HDAC9: variants seen among roughly 807,000 people sequenced by gnomAD.
HDAC9 encodes MEF-2 interacting transcription repressor (MITR) protein.
Under a neutral mutation model 139.4 loss-of-function variants are expected in HDAC9, and 41 were observed. The observed-to-expected ratio is 0.29, with a 90% CI of 0.23 to 0.38. HDAC9 has a LOEUF of 0.38. HDAC9 is among the 10% of genes least tolerant of loss of function. HDAC9 has a pLI of 1.00. For synonymous variants in HDAC9, 517 were observed against 476.2 expected (o/e 1.09, Z -1.12); for missense variants, 1,147 against 1,297.0 (o/e 0.88, Z 1.78).
chr7:18,157,097 A>G (rs1383603350), intron 1 of HDAC9, among the ~76,000 whole-genome samples: 2 of 152,188 alleles, frequency 1.3e-5, no homozygotes, highest in African/African-American at 2.4e-5. Flanking sequence ...AAAAACCCCA[A>G]GAATTCAAGG....
intron 1 of HDAC9, among the ~76,000 whole-genome samples, chr7:18,119,466 C>T (rs942544202): frequency 6.6e-6 from 1 of 152,166 alleles, no homozygotes; most frequent in Non-Finnish European, 1.5e-5. Context: ...CCGAAGCTAC[C>T]AGTTTCTTAC....
chr7:18,803,269 T>C (rs1793449140), intron 17 of HDAC9, among the ~76,000 whole-genome samples: 1 of 152,086 alleles, frequency 6.6e-6, no homozygotes, highest in African/African-American at 2.4e-5. Flanking sequence ...TTTAAAGCAA[T>C]AGTCATGTCC....
chr7:18,494,423 G>A (rs942116959), upstream of HDAC9, among the ~76,000 whole-genome samples: 4 of 152,048 alleles, frequency 2.6e-5, no homozygotes, highest in Admixed American at 6.6e-5. Context: ...GAAATAATCT[G>A]CTTTTTCCTC....
intron 11 of HDAC9, among the ~76,000 whole-genome samples, chr7:18,657,722 AC>A (rs1791674622): frequency 1.3e-5 from 2 of 152,108 alleles, no homozygotes; most frequent in African/African-American, 4.8e-5. Context: ...TCCTCTTTCT[AC>A]TTTTGCTCCC....
chr7:18,292,957 GT>G (rs1164652186), intron 1 of HDAC9, among the ~76,000 whole-genome samples: 3 of 151,674 alleles, frequency 2.0e-5, no homozygotes, highest in Admixed American at 6.6e-5. Context: ...CAACTTTGGA[GT>G]TTTTTTTCCC....
chr7:18,994,766 A>T (rs1015674526), intron 25 of HDAC9, among the ~76,000 whole-genome samples: 9 of 152,174 alleles, frequency 5.9e-5, no homozygotes, highest in African/African-American at 2.2e-4. Context: ...TTTCTTATAA[A>T]TCTGTAAAAT....
At chr7:18,828,383 G>T (rs958049189) in intron 17 of HDAC9, among the ~76,000 whole-genome samples, 2 of 152,194 alleles carry the variant, frequency 1.3e-5, no homozygotes, top group Non-Finnish European at 2.9e-5. Flanking sequence ...GCTTTGCAAG[G>T]ATTTATAGTT....
rs1797337144 is a variant in HDAC9 at position 18,852,040 on chromosome 7, A to AG, written c.2684+16047dup. On this transcript the variant is annotated intron_variant, in intron 21 of 25. Transcript: ENST00000686413. ...GACAGTCCTTCTAACAAGGCTGCTG[A>AG]GGGGTGCAGAAATGGTACACCTCTG... Among the ~76,000 whole-genome samples, 3 of 152,304 alleles carry AG rather than the reference A, an allele frequency of 2.0e-5. No homozygotes were observed. The East Asian group carries it at 5.8e-4, about 29-fold the overall frequency.
chr7:18,466,579 T>C (rs990558180), intron 1 of HDAC9, among the ~76,000 whole-genome samples: 1 of 152,218 alleles, frequency 6.6e-6, no homozygotes, highest in Non-Finnish European at 1.5e-5. Context: ...CTCTTTATCA[T>C]TGTACATCTC....
At chr7:18,873,390 A>G (rs543103915) in intron 21 of HDAC9, among the ~76,000 whole-genome samples, 1 of 152,280 alleles carries the variant, frequency 6.6e-6, no homozygotes, top group African/African-American at 2.4e-5. Flanking sequence ...TAGGAAAAAT[A>G]TTTCAATCAT....
chr7:18,830,735 G>C (rs552816248), intron 19 of HDAC9, among the ~76,000 whole-genome samples: 4 of 152,312 alleles, frequency 2.6e-5, no homozygotes, highest in Admixed American at 2.6e-4. Context: ...TTGGAGAGAA[G>C]AGTATTGAAA....
At chr7:18,314,924 A>G (rs1279083740) in intron 1 of HDAC9, among the ~76,000 whole-genome samples, 1 of 152,216 alleles carries the variant, frequency 6.6e-6, no homozygotes, top group East Asian at 1.9e-4. Flanking sequence ...TAAGTAGTTA[A>G]TATGAGCAAG....
chr7:18,914,698 A>C (rs1325923220), intron 22 of HDAC9, among the ~76,000 whole-genome samples: 1 of 139,690 alleles, frequency 7.2e-6, no homozygotes, highest in African/African-American at 2.5e-5. Context: ...TTTCCCACTT[A>C]ACTTTGATGT....
chr7:18,401,626 C>A (rs1195533480), intron 1 of HDAC9, among the ~76,000 whole-genome samples: 1 of 152,212 alleles, frequency 6.6e-6, no homozygotes, highest in Non-Finnish European at 1.5e-5. Flanking sequence ...TTGTGCTCAA[C>A]AACCTGCATT....
chr7:18,285,429 T>C (rs551377949), upstream of HDAC9, among the ~76,000 whole-genome samples: 2 of 152,252 alleles, frequency 1.3e-5, no homozygotes, highest in African/African-American at 4.8e-5. Context: ...GTGATGGACA[T>C]TCATTTACAT....
intron 11 of HDAC9, among the ~76,000 whole-genome samples, chr7:18,656,676 C>T (rs1791302569): frequency 6.6e-6 from 1 of 152,086 alleles, no homozygotes; most frequent in Non-Finnish European, 1.5e-5. Context: ...ATGATAAGCA[C>T]CACTAAAATC....
intron 7 of HDAC9, among the ~76,000 whole-genome samples, chr7:18,632,799 G>A (rs1448887919): frequency 1.3e-5 from 2 of 151,934 alleles, no homozygotes; most frequent in Non-Finnish European, 2.9e-5. Flanking sequence ...GAATAACAAG[G>A]CCTTAAACTG....
intron 1 of HDAC9, among the ~76,000 whole-genome samples, chr7:18,479,018 C>G (rs896841334): frequency 6.6e-6 from 1 of 151,948 alleles, no homozygotes; most frequent in African/African-American, 2.4e-5. Context: ...ATTCTGAATA[C>G]TCATTTTTGA....
intron 2 of HDAC9, among the ~76,000 whole-genome samples, chr7:18,253,061 A>G (rs569715446): frequency 3.3e-4 from 51 of 152,296 alleles, no homozygotes; most frequent in African/African-American, 7.2e-5. Context: ...CTCCAGCTCT[A>G]TGTTCCTGCA....
Sources: gnomAD v4.1 joint callset for allele counts (sites outside exome capture counted in the v4.1 genomes callset) on GRCh38, gnomAD v4.1.1 for gene constraint, MANE v1.5 for transcripts, NCBI Gene and HGNC (gene_info 2026-07-23, HGNC 2026-07-21) for gene names.